The following RPS6KA5 variants were observed in gnomAD, a reference collection of about 807,000 sequenced individuals.
RPS6KA5 encodes the protein ribosomal protein S6 kinase alpha-5.
Under a neutral mutation model 85.5 loss-of-function variants are expected in RPS6KA5, and 27 were observed. The ratio of observed to expected loss-of-function variants is 0.32; its 90% CI spans 0.23 to 0.44. RPS6KA5 has a LOEUF of 0.44. Ranked by LOEUF, RPS6KA5 falls within the 20% of genes least tolerant of loss-of-function variation. The pLI, the probability that RPS6KA5 is intolerant of heterozygous loss-of-function variation, is 1.00. For missense variants in RPS6KA5, 811 were observed against 980.9 expected (o/e 0.83, Z 2.31); for synonymous variants, 334 against 348.2 (o/e 0.96, Z 0.46).
At chr14:90,945,095 T>C (rs528433478) in intron 4 of RPS6KA5, among the ~76,000 whole-genome samples, 1 of 151,122 alleles carries the variant, frequency 6.6e-6, no homozygotes, top group African/African-American at 2.5e-5. Flanking sequence ...CTACAAAAAA[T>C]ACAAAAATTA....
chr14:90,885,766 A>AAAAAAAAAG (rs2034175280), intron 14 of RPS6KA5, among the ~76,000 whole-genome samples: 2 of 144,898 alleles, frequency 1.4e-5, no homozygotes, highest in African/African-American at 5.1e-5. Flanking sequence ...AAAAAAAAAA[A>AAAAAAAAAG]AAAAAAAGAA....
At chr14:90,903,806 A>G (rs1252778631) in intron 8 of RPS6KA5, among the ~76,000 whole-genome samples, 2 of 152,230 alleles carry the variant, frequency 1.3e-5, no homozygotes, top group African/African-American at 4.8e-5. Flanking sequence ...TATTTTATGT[A>G]TCATTAAGAA....
At chr14:90,967,701 T>C (rs546709200) in intron 3 of RPS6KA5, among the ~76,000 whole-genome samples, 1 of 152,356 alleles carries the variant, frequency 6.6e-6, no homozygotes, top group African/African-American at 2.4e-5. Context: ...TTTATTCAAG[T>C]GCAATTAACT....
In RPS6KA5 at chr14:90,900,731, A is replaced by G. The variant is rs1471024748; in HGVS notation, c.1125T>C (p.Tyr375=). 2 of 1,611,262 alleles carry G rather than the reference A, an allele frequency of 1.2e-6. No homozygotes were observed. Among genetic ancestry groups the G allele is most frequent in the South Asian group, 2.2e-5 (2 of 90,304 alleles). Residue 375 remains tyrosine (Y), a synonymous_variant, in exon 10 of 17, where the codon TAT becomes TAC. Transcript: ENST00000614987. ...PQSSEKLFQG[Y]SFVAPSILFK... ...ATAGGATGGAAGGAGCAACAAAGGA[A>G]TAGCCCTAAAAACAAGACAAAGAAA...
intron 1 of RPS6KA5, among the ~76,000 whole-genome samples, chr14:91,004,695 C>T (rs1461306362): frequency 5.3e-5 from 8 of 152,090 alleles, no homozygotes; most frequent in South Asian, 2.1e-4. Context: ...AGGCCGGGCG[C>T]GGTGGCTCAC....
Position 90,849,064 on chromosome 14 carries a change from TGCAA to T in RPS6KA5, c.*23006_*23009del, listed in dbSNP as rs1410532433. 1 of 152,080 alleles carries T rather than the reference TGCAA, an allele frequency of 6.6e-6. No individual in the cohort carries two copies. Among genetic ancestry groups the T allele is most frequent in the Admixed American group, 6.6e-5 (1 of 15,260 alleles). 9.4% of individuals were successfully genotyped at this position (152,080 alleles called of 1,614,324 possible). On this transcript the variant is annotated 3_prime_UTR_variant, in exon 17 of 17. Coordinates refer to ENST00000614987, the MANE Select transcript of RPS6KA5 (RefSeq NM_004755.4). ...GTAATAATAAATAAAAGGAAAAAGATGCAAGCAAATTTCTGCAAATAGAAGCGTT... is the reference window on the plus strand; with the variant it reads ...GTAATAATAAATAAAAGGAAAAAGATGCAAATTTCTGCAAATAGAAGCGTT...
Position 90,868,756 on chromosome 14 carries a change from A to G in RPS6KA5, c.*3318T>C, listed in dbSNP as rs913251683. On this transcript the variant is annotated 3_prime_UTR_variant, in exon 17 of 17. Coordinates refer to ENST00000614987, the MANE Select transcript of RPS6KA5 (RefSeq NM_004755.4). ...AGTCAATTGTATACTTTTATAAAGTAGTGTATTTGAGAACATAAACTGAGA... is the reference window on the plus strand; with the variant it reads ...AGTCAATTGTATACTTTTATAAAGTGGTGTATTTGAGAACATAAACTGAGA... 2.5e-4 allele frequency: 38 copies of G among 152,212 alleles called. No homozygotes were observed. Among genetic ancestry groups the G allele is most frequent in the Non-Finnish European group, 2.9e-5 (2 of 68,032 alleles). The allele number at this position is 152,212 out of a possible 1,614,324, so 9.4% of individuals were successfully genotyped here. A position where few individuals can be genotyped will look rare whatever the true frequency, so the allele number is the denominator to read the frequency against.
intron 13 of RPS6KA5, among the ~76,000 whole-genome samples, chr14:90,891,196 C>T (rs893393398): frequency 1.3e-5 from 2 of 151,290 alleles, no homozygotes; most frequent in African/African-American, 4.9e-5. Context: ...ACCCCAGGGC[C>T]TGGCACAGAC....
chr14:91,030,819 A>G (rs2042161608), intron 1 of RPS6KA5, among the ~76,000 whole-genome samples: 1 of 151,982 alleles, frequency 6.6e-6, no homozygotes, highest in African/African-American at 2.4e-5. Context: ...GGGGGAGCCT[A>G]TTAAAGGTCT....
intron 1 of RPS6KA5, among the ~76,000 whole-genome samples, chr14:91,010,028 C>A (rs1595464328): frequency 1.4e-5 from 2 of 145,948 alleles, no homozygotes; most frequent in South Asian, 2.2e-4. Flanking sequence ...TTGGTTAGGT[C>A]AACAGCGATT....
At chr14:90,993,243 C>T (rs568277825) in intron 2 of RPS6KA5, among the ~76,000 whole-genome samples, 11 of 152,256 alleles carry the variant, frequency 7.2e-5, no homozygotes, top group South Asian at 4.2e-4. Context: ...AGTTCGAGAT[C>T]GGCCTGGCTA....
Position 90,853,098 on chromosome 14 carries a change from G to A in RPS6KA5, c.*18976C>T, listed in dbSNP as rs977818489. On this transcript the variant is annotated 3_prime_UTR_variant, in exon 17 of 17. Coordinates refer to ENST00000614987, the MANE Select transcript of RPS6KA5 (RefSeq NM_004755.4). ...AAAGCCCCGGATGTTAGCAAAAAGAGTGAATGTGTTTGCCGTTCTATAAAT... is the reference window on the plus strand; with the variant it reads ...AAAGCCCCGGATGTTAGCAAAAAGAATGAATGTGTTTGCCGTTCTATAAAT... The A allele has an allele frequency of 2.0e-5, 3 of 152,172 alleles. No individual in the cohort carries two copies. The highest frequency in any genetic ancestry group is 4.8e-5 in the African/African-American group (2 of 41,488). 9.4% of individuals were successfully genotyped at this position (152,172 alleles called of 1,614,324 possible). A position where few individuals can be genotyped will look rare whatever the true frequency, so the allele number is the denominator to read the frequency against.
intron 3 of RPS6KA5, among the ~76,000 whole-genome samples, chr14:90,947,817 T>C (rs2037951352): frequency 6.6e-6 from 1 of 152,228 alleles, no homozygotes; most frequent in Non-Finnish European, 1.5e-5. Flanking sequence ...TATTTAAATA[T>C]GTTTTCTCAA....
intron 5 of RPS6KA5, among the ~76,000 whole-genome samples, chr14:90,925,010 T>C (rs1316966416): frequency 6.6e-6 from 1 of 152,232 alleles, no homozygotes; most frequent in Non-Finnish European, 1.5e-5. Flanking sequence ...CTCTTAATGC[T>C]GGCAAATCTC....
intron 6 of RPS6KA5, among the ~76,000 whole-genome samples, chr14:90,921,043 G>C (rs993561068): frequency 6.6e-6 from 1 of 152,010 alleles, no homozygotes; most frequent in African/African-American, 2.4e-5. Flanking sequence ...AAAGAATCTT[G>C]ATGTATTGAA....
rs1030373302 is a variant in RPS6KA5, at chr14:90,862,138, G to A, written c.*9936C>T. 1 of 152,144 alleles carries A rather than the reference G, an allele frequency of 6.6e-6. No individual in the cohort carries two copies. Among genetic ancestry groups the A allele is most frequent in the Non-Finnish European group, 1.5e-5 (1 of 68,022 alleles). 9.4% of individuals were successfully genotyped at this position (152,144 alleles called of 1,614,324 possible). ...AACCAAGAGGATATAGGACAAAAAT[G>A]TAAAAGAAATTGTAAGATGGTAGAC... is the stretch of plus-strand genomic sequence containing the variant. On this transcript the variant is annotated 3_prime_UTR_variant, in exon 17 of 17. Transcript: ENST00000614987.
Position 91,060,498 on chromosome 14 carries a change from G to A in RPS6KA5, c.-64C>T. 2 of 1,282,306 alleles carry A rather than the reference G, an allele frequency of 1.6e-6. No individual in the cohort carries two copies. Among genetic ancestry groups the A allele is most frequent in the Non-Finnish European group, 2.0e-6 (2 of 1,005,698 alleles). 79.4% of individuals were successfully genotyped at this position (1,282,306 alleles called of 1,614,324 possible). A position where few individuals can be genotyped will look rare whatever the true frequency, so the allele number is the denominator to read the frequency against. ...GGAACCCAGGAGACAGCGGACGCCC[G>A]TCCCCTCGCAGCCGCTGCCGCGGCC... On this transcript the variant is annotated 5_prime_UTR_variant, in exon 1 of 17. The change creates a new upstream start codon in the 5' untranslated region. Coordinates refer to ENST00000614987, the MANE Select transcript of RPS6KA5 (RefSeq NM_004755.4).
chr14:91,019,342 C>A (rs2041642519), intron 1 of RPS6KA5, among the ~76,000 whole-genome samples: 1 of 152,148 alleles, frequency 6.6e-6, no homozygotes, highest in Non-Finnish European at 1.5e-5. Flanking sequence ...GGGTGAGTGT[C>A]ATCCAATCAG....
At position 90,869,959 on chromosome 14, in the gene RPS6KA5, CCATTT is replaced by C. The variant is rs1197028516; in HGVS notation, c.*2110_*2114del. The C allele has an allele frequency of 6.6e-6, 1 of 152,152 alleles. No homozygotes were observed. The highest frequency in any genetic ancestry group is 1.9e-4 in the East Asian group (1 of 5,188). 9.4% of individuals were successfully genotyped at this position (152,152 alleles called of 1,614,324 possible). ...CCTGTTAGTCTGACTGCCTTTTTAC[CCATTT>C]CATCGCCTGTCGAATCCTCCTCAAG... On this transcript the variant is annotated 3_prime_UTR_variant, in exon 17 of 17. Coordinates refer to ENST00000614987, the MANE Select transcript of RPS6KA5 (RefSeq NM_004755.4).
Sources: gnomAD v4.1 joint callset for allele counts (sites outside exome capture counted in the v4.1 genomes callset) on GRCh38, gnomAD v4.1.1 for gene constraint, MANE v1.5 for transcripts, NCBI Gene and HGNC (gene_info 2026-07-23, HGNC 2026-07-21) for gene names.